DNAJC12: variants seen among roughly 807,000 people sequenced by gnomAD.
DNAJC12 encodes the protein DnaJ heat shock protein family (Hsp40) member C12.
DNAJC12 carries 25 observed loss-of-function variants against 28.5 expected under a neutral mutation model. The ratio of observed to expected loss-of-function variants is 0.88; its 90% confidence interval spans 0.64 to 1.22. The LOEUF is 1.22. Among genes scored for constraint, DNAJC12 ranks in the 50% most tolerant of loss-of-function variants. The pLI is 0.00. For synonymous variants in DNAJC12, 77 were observed against 80.6 expected (o/e 0.95, Z 0.24); for missense variants, 222 against 231.7 (o/e 0.96, Z 0.27).
intron 1 of DNAJC12, among the ~76,000 whole-genome samples, chr10:67,836,936 T>A (rs1564869489): frequency 6.7e-6 from 1 of 149,936 alleles, no homozygotes; most frequent in East Asian, 1.9e-4. Context: ...CATAAATATA[T>A]CCTAATAACA....
intron 4 of DNAJC12, among the ~76,000 whole-genome samples, chr10:67,800,372 G>A (rs1434115052): frequency 1.3e-5 from 2 of 152,164 alleles, no homozygotes; most frequent in Non-Finnish European, 2.9e-5. Context: ...TGATCCCACT[G>A]GGGAACCCTG....
intron 2 of DNAJC12, among the ~76,000 whole-genome samples, chr10:67,815,523 A>AG (rs1321954452): frequency 8.6e-5 from 13 of 151,216 alleles, no homozygotes; most frequent in South Asian, 4.2e-4. Flanking sequence ...AAAAAAAAAA[A>AG]AAAAGAAAAG....
chr10:67,814,410 GA>G (rs201178691), intron 2 of DNAJC12, among the ~76,000 whole-genome samples: 63 of 147,718 alleles, frequency 4.3e-4, no homozygotes, highest in Middle Eastern at 6.9e-3. Context: ...AAAAAACTGG[GA>G]AAAAAAAAAC....
chr10:67,816,154 T>C (rs1841913959), intron 2 of DNAJC12: 2 of 398,182 alleles, frequency 5.0e-6, no homozygotes, highest in South Asian at 1.3e-4. Context: ...TAGAGGTTAT[T>C]TTAAATTCAT....
At chr10:67,797,292 A>T in intron 4 of DNAJC12, 82 bp from the exon 5 acceptor site, 1 of 1,079,958 alleles carries the variant, frequency 9.3e-7, no homozygotes, top group Non-Finnish European at 1.4e-6. Flanking sequence ...TGGGGATAAT[A>T]TTTCACTGCA....
At chr10:67,797,630 A>G (rs1841688081) in intron 4 of DNAJC12, among the ~76,000 whole-genome samples, 2 of 152,218 alleles carry the variant, frequency 1.3e-5, no homozygotes, top group Admixed American at 1.3e-4. Context: ...TAGTTATAAT[A>G]AACAACATTG....
intron 1 of DNAJC12, among the ~76,000 whole-genome samples, chr10:67,828,362 C>T (rs941670215): frequency 6.6e-6 from 1 of 152,088 alleles, no homozygotes; most frequent in Non-Finnish European, 1.5e-5. Flanking sequence ...AGCTCCATGT[C>T]ATCCTTAGTC....
chr10:67,805,926 A>C (rs1284657736), intron 3 of DNAJC12, 139 bp from the exon 4 acceptor site: 1 of 570,582 alleles, frequency 1.8e-6, no homozygotes, highest in African/African-American at 1.9e-5. Flanking sequence ...TATTAACAAG[A>C]TACTCATAAA....
chr10:67,822,299 T>C (rs1010722860), intron 2 of DNAJC12, among the ~76,000 whole-genome samples: 2 of 152,092 alleles, frequency 1.3e-5, no homozygotes, highest in Non-Finnish European at 2.9e-5. Flanking sequence ...AAAAACTTTG[T>C]TTCAAGGAGG....
intron 4 of DNAJC12, among the ~76,000 whole-genome samples, chr10:67,798,018 C>T (rs1184597236): frequency 2.8e-5 from 4 of 141,666 alleles, no homozygotes; most frequent in African/African-American, 1.1e-4. Context: ...CAGGCCTGGG[C>T]GACAGAGCGA....
intron 3 of DNAJC12, among the ~76,000 whole-genome samples, chr10:67,808,836 G>A (rs1841830283): frequency 6.6e-6 from 1 of 152,188 alleles, no homozygotes; most frequent in Non-Finnish European, 1.5e-5. Context: ...ATCCAATTAA[G>A]ACAGATTGCC....
chr10:67,799,025 A>C (rs1164550486), intron 4 of DNAJC12, among the ~76,000 whole-genome samples: 2 of 151,890 alleles, frequency 1.3e-5, no homozygotes, highest in Non-Finnish European at 2.9e-5. Flanking sequence ...TCAGCCTCCC[A>C]AAGTGCTGGG....
chr10:67,799,546 T>G (rs930588398), intron 4 of DNAJC12, among the ~76,000 whole-genome samples: 3 of 151,756 alleles, frequency 2.0e-5, no homozygotes, highest in Non-Finnish European at 4.4e-5. Context: ...TGATTATATT[T>G]TCTCACATTT....
At chr10:67,820,042 C>T (rs371522946) in intron 2 of DNAJC12, among the ~76,000 whole-genome samples, 5 of 152,154 alleles carry the variant, frequency 3.3e-5, no homozygotes, top group South Asian at 2.1e-4. Flanking sequence ...TGGGACTTCC[C>T]AACTGATGGT....
At chr10:67,797,464 C>A (rs1251074378) in intron 4 of DNAJC12, among the ~76,000 whole-genome samples, 1 of 152,116 alleles carries the variant, frequency 6.6e-6, no homozygotes, top group Non-Finnish European at 1.5e-5. Context: ...TACATAGATG[C>A]CTCTGGTGGT....
chr10:67,832,675 C>T (rs562099030), intron 1 of DNAJC12, among the ~76,000 whole-genome samples: 1 of 152,240 alleles, frequency 6.6e-6, no homozygotes, highest in East Asian at 1.9e-4. Flanking sequence ...ATTAGGCAAA[C>T]ACCATAGTAG....
chr10:67,829,783 T>C (rs1021907366), intron 1 of DNAJC12, among the ~76,000 whole-genome samples: 5 of 152,244 alleles, frequency 3.3e-5, no homozygotes, highest in Admixed American at 1.3e-4. Context: ...TAGTTGATTG[T>C]AATGTAACTG....
intron 3 of DNAJC12, among the ~76,000 whole-genome samples, chr10:67,806,326 T>C (rs1337799003): frequency 6.6e-6 from 1 of 152,174 alleles, no homozygotes; most frequent in Non-Finnish European, 1.5e-5. Flanking sequence ...ATTATAAATA[T>C]TCTAGCTCTC....
chr10:67,804,156 G>A (rs2131790444), intron 4 of DNAJC12, among the ~76,000 whole-genome samples: 1 of 152,248 alleles, frequency 6.6e-6, no homozygotes, highest in Non-Finnish European at 1.5e-5. Flanking sequence ...TTGAAGGACA[G>A]TTACAATGTG....
Sources: gnomAD v4.1 joint callset for allele counts (sites outside exome capture counted in the v4.1 genomes callset) on GRCh38, gnomAD v4.1.1 for gene constraint, MANE v1.5 for transcripts, NCBI Gene and HGNC (gene_info 2026-07-23, HGNC 2026-07-21) for gene names.